The following MMS19 variants were observed in gnomAD, a reference collection of about 807,000 sequenced individuals.
MMS19 encodes MMS19 nucleotide excision repair protein homolog.
Under a neutral mutation model 129.8 loss-of-function variants are expected in MMS19, and 77 were observed. That is an observed-to-expected ratio of 0.59 (90% confidence interval 0.49 to 0.72). The LOEUF (loss-of-function observed/expected upper bound fraction) is 0.72. MMS19 is among the 30% of genes least tolerant of loss of function. The probability of loss-of-function intolerance (pLI) is 0.00; values close to 1 mark genes in which losing one functional copy is unlikely to be tolerated. For missense variants in MMS19, 1,168 were observed against 1,266.3 expected (o/e 0.92, Z 1.18); for synonymous variants, 491 against 502.8 (o/e 0.98, Z 0.31).
intron 18 of MMS19, among the ~76,000 whole-genome samples, chr10:97,464,690 A>G (rs2032973801): frequency 6.6e-6 from 1 of 150,828 alleles, no homozygotes; most frequent in Non-Finnish European, 1.5e-5. Context: ...TTACCTAGGT[A>G]ATTTTTTTTT....
rs912499975 is a variant in MMS19 at position 97,460,632 on chromosome 10, G to T, written c.2469+63C>A. ...AGGGGAGGATGGAAGTCCTTGGGAG[G>T]AATAGGAGCAACCAGAAAGTTTGTT... is the stretch of plus-strand genomic sequence containing the variant. On this transcript the variant is annotated intron_variant, in intron 25 of 30. Coordinates refer to ENST00000438925, the MANE Select transcript of MMS19 (RefSeq NM_022362.5). 3.6e-5 allele frequency: 49 copies of T among 1,356,748 alleles called. No homozygotes were observed. The Admixed American group carries it at 8.1e-4, about 22-fold the overall frequency. 84.0% of individuals were successfully genotyped at this position (1,356,748 alleles called of 1,614,324 possible). A position where few individuals can be genotyped will look rare whatever the true frequency, so the allele number is the denominator to read the frequency against.
Position 97,461,506 on chromosome 10 carries a change from C to T in MMS19, c.2301G>A (p.Lys767=). Residue 767 remains lysine (K), a synonymous_variant, in exon 23 of 31, where the codon AAG becomes AAA. Coordinates refer to ENST00000438925, the MANE Select transcript of MMS19 (RefSeq NM_022362.5). ...GTCTGATCTCAGTACCTGCAGGGTG[C>T]TTGTTGAGGAGTCCTGCAAAGCACT... ...AAKCFAGLLN[K]HPAGQQLDEF... 6.2e-7 allele frequency: 1 copy of T among 1,606,852 alleles called. No homozygotes were observed. Among genetic ancestry groups the T allele is most frequent in the Non-Finnish European group, 8.5e-7 (1 of 1,176,664 alleles).
rs1323980583 is a variant in MMS19 at position 97,459,526 on chromosome 10, G to A, written c.2740C>T (p.Leu914Phe). ...AGGGCCTCCAGCAGCAAGGAAAGAAGCTAAGGGGCAATGGGCAAGGTAGGG... is the reference window on the plus strand; with the variant it reads ...AGGGCCTCCAGCAGCAAGGAAAGAAACTAAGGGGCAATGGGCAAGGTAGGG... ...KPVLLPELPT[L>F]LSLLLEALSC... The change falls in exon 28 of 31, where the codon CTT becomes TTT. Residue 914 changes from leucine to phenylalanine, a missense_variant and splice_region_variant. Leu to Phe is a conservative substitution (Grantham distance 22, BLOSUM62 0). Coordinates refer to ENST00000438925, the MANE Select transcript of MMS19 (RefSeq NM_022362.5). 5 of 1,612,014 alleles carry A rather than the reference G, an allele frequency of 3.1e-6. No individual in the cohort carries two copies. The highest frequency in any genetic ancestry group is 3.4e-6 in the Non-Finnish European group (4 of 1,178,520).
At chr10:97,462,740 ATGAT>A in intron 19 of MMS19, 58 bp from the exon 20 acceptor site, 1 of 1,340,960 alleles carries the variant, frequency 7.5e-7, no homozygotes, top group South Asian at 1.2e-5. Flanking sequence ...CAAGAAATGA[ATGAT>A]TGGGTTCTGT....
chr10:97,462,502 G>T, intron 20 of MMS19, 81 bp downstream of exon 20: 1 of 993,370 alleles, frequency 1.0e-6, no homozygotes, highest in Non-Finnish European at 1.6e-6. Flanking sequence ...AAGGACAGCT[G>T]ACAAGGCAGC....
chr10:97,466,983 G>A, intron 14 of MMS19, 82 bp from the exon 15 acceptor site: 1 of 1,550,530 alleles, frequency 6.4e-7, no homozygotes. Flanking sequence ...CAGCCAACCT[G>A]GGGTAGATTT....
rs770408439 is a variant in MMS19, at chr10:97,470,810, G to C, written c.736C>G (p.Arg246Gly). 6.2e-7 allele frequency: 1 copy of C among 1,613,710 alleles called. No homozygotes were observed. The highest frequency in any genetic ancestry group is 1.3e-5 in the African/African-American group (1 of 74,906). ...IQREDLILSL[R>G]AVLASTPRFA... ...CGTGGTGTAGAAGCCAGCACAGCGC[G>C]AAGACTCAGGATGAGGTCTTCTCTC... Residue 246 changes from arginine (R) to glycine (G), a missense_variant, in exon 9 of 31, where the codon CGC (arginine) becomes GGC (glycine). Transcript: ENST00000438925.
chr10:97,483,271 C>A (rs1339181865), intron 2 of MMS19, among the ~76,000 whole-genome samples: 3 of 152,078 alleles, frequency 2.0e-5, no homozygotes, highest in Non-Finnish European at 4.4e-5. Context: ...CCAGGCTGGT[C>A]TTAAACTCCT....
At chr10:97,474,138 A>G (rs1185273755) in intron 8 of MMS19, among the ~76,000 whole-genome samples, 1 of 151,450 alleles carries the variant, frequency 6.6e-6, no homozygotes, top group Non-Finnish European at 1.5e-5. Flanking sequence ...GCCTCAAAAA[A>G]AAAAAAAAAA....
chr10:97,472,482 C>T lies in MMS19; in HGVS notation c.685-1621G>A, dbSNP rs146595465. Among the ~76,000 whole-genome samples the T allele has an allele frequency of 2.3e-3, 349 of 152,304 alleles. 1 individual carries two copies. The Middle Eastern group carries it at 0.054, about 24-fold the overall frequency. ...CTTGAACTCCTGACCTCAGGTGATCCGCCTGCCTTGGCCTTTCGAAGTGTT... is the reference window on the plus strand; with the variant it reads ...CTTGAACTCCTGACCTCAGGTGATCTGCCTGCCTTGGCCTTTCGAAGTGTT... On this transcript the variant is annotated intron_variant, in intron 8 of 30. Transcript: ENST00000438925.
rs750629796 is a variant in MMS19, at chr10:97,466,791, A to G, written c.1408T>C (p.Leu470=). 6.2e-7 allele frequency: 1 copy of G among 1,613,910 alleles called. No homozygotes were observed. The highest frequency in any genetic ancestry group is 8.5e-7 in the Non-Finnish European group (1 of 1,179,906). ...QLVGIRTLTV[L]GAQPDLLSYE... ...TAAGATGTACCTGGCTGGGCACCCA[A>G]GACTGTCAGTGTACGGATGCCAACA... The change falls in exon 15 of 31, where the codon TTG becomes CTG. Residue 470 remains leucine, a synonymous_variant. Transcript: ENST00000438925.
At chr10:97,481,131 CT>C (rs1477168643) in intron 2 of MMS19, 89 bp from the exon 3 acceptor site, 8 of 858,004 alleles carry the variant, frequency 9.3e-6, no homozygotes, top group Non-Finnish European at 1.5e-5. Context: ...CACTCACCCC[CT>C]GGGCATGGAA....
intron 11 of MMS19, 69 bp downstream of exon 11, chr10:97,469,577 A>G: frequency 1.6e-6 from 2 of 1,276,634 alleles, no homozygotes; most frequent in African/African-American, 1.5e-5. Flanking sequence ...AAAGGACAGG[A>G]TGTATTATTT....
chr10:97,496,944 C>T (rs1480007927), intron 1 of MMS19, among the ~76,000 whole-genome samples: 3 of 152,234 alleles, frequency 2.0e-5, no homozygotes, highest in African/African-American at 7.2e-5. Context: ...AAGTGATGTG[C>T]TCCTTATAAA....
chr10:97,495,568 A>G (rs1438479766), intron 1 of MMS19, among the ~76,000 whole-genome samples: 1 of 152,194 alleles, frequency 6.6e-6, no homozygotes, highest in East Asian at 1.9e-4. Flanking sequence ...CAACAACCCT[A>G]ACTAGGGCTG....
chr10:97,491,432 C>T (rs1332102112), intron 1 of MMS19, among the ~76,000 whole-genome samples: 4 of 152,062 alleles, frequency 2.6e-5, no homozygotes, highest in Non-Finnish European at 2.9e-5. Context: ...TCTGGGAGGA[C>T]GAGGTGGGTG....
At chr10:97,467,713 G>A (rs1450817495) in intron 13 of MMS19, 130 bp from the exon 14 acceptor site, 3 of 772,412 alleles carry the variant, frequency 3.9e-6, no homozygotes, top group Non-Finnish European at 6.3e-6. Context: ...AGCCAGGCTG[G>A]AATACAGTAG....
chr10:97,466,640 C>T (rs1047746905), intron 15 of MMS19, 55 bp from the exon 16 acceptor site: 26 of 1,577,630 alleles, frequency 1.6e-5, no homozygotes, highest in Non-Finnish European at 2.1e-5. Flanking sequence ...GCCATCACAA[C>T]CCTTCTAAGC....
In MMS19 at chr10:97,463,961, T is replaced by C; in HGVS notation, c.1809A>G (p.Arg603=). The change falls in exon 19 of 31, where the codon AGA becomes AGG. Residue 603 remains arginine (R), a synonymous_variant. Coordinates refer to ENST00000438925, the MANE Select transcript of MMS19 (RefSeq NM_022362.5). The part of the protein sequence containing the change: ...SDVIAVCQSL[R]QMAEKCQQDP... Reference sequence around the variant, plus strand: ...CCTGCTGACATTTTTCTGCCATCTGTCTGAGGCTCTGACAGACAGCAATAA... The same window carrying C: ...CCTGCTGACATTTTTCTGCCATCTGCCTGAGGCTCTGACAGACAGCAATAA... 6.2e-7 allele frequency: 1 copy of C among 1,613,234 alleles called. No homozygotes were observed. Among genetic ancestry groups the C allele is most frequent in the Non-Finnish European group, 8.5e-7 (1 of 1,179,576 alleles).
Sources: allele counts gnomAD v4.1 joint callset (sites outside exome capture counted in the v4.1 genomes callset), GRCh38; gene constraint gnomAD v4.1.1; transcripts MANE v1.5; gene names NCBI Gene and HGNC (gene_info 2026-07-23, HGNC 2026-07-21).